IL1RAPL2: variants seen among roughly 807,000 people sequenced by gnomAD.
IL1RAPL2 encodes the protein X-linked interleukin-1 receptor accessory protein-like 2.
IL1RAPL2 carries 3 observed loss-of-function variants against 44.1 expected under a neutral mutation model. The observed-to-expected ratio is 0.07, with a 90% CI of 0.03 to 0.18. IL1RAPL2 has a LOEUF of 0.18. IL1RAPL2 is among the 10% of genes least tolerant of loss of function. IL1RAPL2 has a pLI of 1.00. For missense variants in IL1RAPL2, 391 were observed against 496.4 expected, an observed-to-expected ratio of 0.79 and a Z score of 2.02; for synonymous variants, 181 against 178.8, an observed-to-expected ratio of 1.01 and a Z score of -0.10.
At chrX:105,302,329 T>C (rs750076402) in intron 5 of IL1RAPL2, among the ~76,000 whole-genome samples, 1 of 112,211 alleles carries the variant, frequency 8.9e-6, no homozygotes, top group South Asian at 3.7e-4. Context: ...TTTCAGTTTG[T>C]TGATTATTTC....
At chrX:104,898,551 C>T (rs1923720102) in intron 2 of IL1RAPL2, among the ~76,000 whole-genome samples, 1 of 112,652 alleles carries the variant, frequency 8.9e-6, no homozygotes, top group Admixed American at 9.4e-5. Flanking sequence ...CATGGCTGTC[C>T]TGCCTAACAT....
intron 5 of IL1RAPL2, among the ~76,000 whole-genome samples, chrX:105,322,493 G>C (rs1410248954): frequency 9.0e-6 from 1 of 111,674 alleles, no homozygotes; most frequent in African/African-American, 3.3e-5. Flanking sequence ...ATTCTTGGCA[G>C]AATTGAGTCC....
chrX:105,033,484 G>C (rs2031554821), intron 2 of IL1RAPL2, among the ~76,000 whole-genome samples: 1 of 111,212 alleles, frequency 9.0e-6, no homozygotes, highest in African/African-American at 3.3e-5. Flanking sequence ...CACTTATGAA[G>C]CTTAGTTTGG....
At chrX:105,138,473 CAAAAAAAAA>C (rs371757842) in intron 2 of IL1RAPL2, among the ~76,000 whole-genome samples, 1 of 54,481 alleles carries the variant, frequency 1.8e-5, no homozygotes, top group Non-Finnish European at 3.4e-5. Flanking sequence ...ATATAATTAC[CAAAAAAAAA>C]AAAAAAAAAA....
intron 2 of IL1RAPL2, among the ~76,000 whole-genome samples, chrX:104,856,822 T>C (rs960811564): frequency 8.9e-6 from 1 of 112,520 alleles, no homozygotes; most frequent in African/African-American, 3.2e-5. Context: ...CTTTGATTCA[T>C]AGATAAAATT....
At chrX:104,819,284 A>G (rs923047999) in intron 2 of IL1RAPL2, among the ~76,000 whole-genome samples, 2 of 112,205 alleles carry the variant, frequency 1.8e-5, no homozygotes, top group African/African-American at 3.2e-5. Flanking sequence ...TGACTTTTTC[A>G]CTTTATGATG....
chrX:105,578,030 C>G (rs2037063198), intron 6 of IL1RAPL2, among the ~76,000 whole-genome samples: 1 of 74,577 alleles, frequency 1.3e-5, no homozygotes, highest in African/African-American at 5.2e-5. Flanking sequence ...ATCCCTCTCC[C>G]CTCCCCCCAC....
intron 2 of IL1RAPL2, among the ~76,000 whole-genome samples, chrX:104,813,530 A>G (rs1341114893): frequency 9.0e-6 from 1 of 111,554 alleles, no homozygotes; most frequent in Non-Finnish European, 1.9e-5. Flanking sequence ...TCATTTGATC[A>G]TTCATTCCAA....
chrX:105,246,555 T>C (rs1463478300), intron 4 of IL1RAPL2, among the ~76,000 whole-genome samples: 2 of 111,575 alleles, frequency 1.8e-5, no homozygotes, highest in Non-Finnish European at 3.8e-5. Flanking sequence ...AGGTAAGGAA[T>C]AGGAGTTGGC....
chrX:105,179,268 C>A (rs949865152), intron 2 of IL1RAPL2, among the ~76,000 whole-genome samples: 1 of 111,953 alleles, frequency 8.9e-6, no homozygotes, highest in African/African-American at 3.2e-5. Context: ...AATATAAGTT[C>A]CTGTTGGCTT....
Position 104,726,311 on chromosome X carries a change from G to A in IL1RAPL2, c.82+67316G>A, listed in dbSNP as rs865993586. On this transcript the variant is annotated intron_variant, in intron 2 of 10. Transcript: ENST00000372582. ...GTAGTATAGATTGAAGTCAGGTAGCGTGATGCCTCTAGCTTTGTTCTTTTT... is the reference window on the plus strand; with the variant it reads ...GTAGTATAGATTGAAGTCAGGTAGCATGATGCCTCTAGCTTTGTTCTTTTT... Among the ~76,000 whole-genome samples the A allele has an allele frequency of 8.1e-5, 9 of 111,484 alleles. No homozygotes were observed. The East Asian group carries it at 8.5e-4, about 11-fold the overall frequency.
intron 5 of IL1RAPL2, among the ~76,000 whole-genome samples, chrX:105,449,669 C>T (rs1335453128): frequency 2.7e-5 from 3 of 110,320 alleles, no homozygotes; most frequent in African/African-American, 9.9e-5. Context: ...ATCGCTTGAA[C>T]CAGAGAGTCA....
At chrX:105,024,775 G>A (rs897392154) in intron 2 of IL1RAPL2, among the ~76,000 whole-genome samples, 9 of 111,499 alleles carry the variant, frequency 8.1e-5, no homozygotes, top group African/African-American at 2.9e-4. Flanking sequence ...AAAGAAGATA[G>A]CATGTTTATG....
chrX:105,474,596 G>A (rs1293219072), intron 5 of IL1RAPL2, among the ~76,000 whole-genome samples: 1 of 111,246 alleles, frequency 9.0e-6, no homozygotes, highest in African/African-American at 3.3e-5. Flanking sequence ...CTAGTTGGTA[G>A]AGTACCTTTC....
intron 6 of IL1RAPL2, among the ~76,000 whole-genome samples, chrX:105,680,246 G>A (rs931352044): frequency 3.6e-5 from 4 of 111,664 alleles, no homozygotes; most frequent in Non-Finnish European, 7.5e-5. Flanking sequence ...TGGTCCGCCC[G>A]CCTCGTCCTC....
At chrX:104,948,556 G>C (rs1376722661) in intron 2 of IL1RAPL2, among the ~76,000 whole-genome samples, 1 of 107,652 alleles carries the variant, frequency 9.3e-6, no homozygotes, top group Non-Finnish European at 1.9e-5. Context: ...CTGTGGGTTT[G>C]TCATAGATAG....
chrX:104,833,492 G>A (rs1042642300), intron 2 of IL1RAPL2, among the ~76,000 whole-genome samples: 2 of 111,820 alleles, frequency 1.8e-5, no homozygotes, highest in Non-Finnish European at 3.8e-5. Flanking sequence ...AAGTCATTTG[G>A]TTATTTTTTT....
chrX:105,531,030 G>C (rs2036631497), intron 6 of IL1RAPL2, among the ~76,000 whole-genome samples: 1 of 111,783 alleles, frequency 8.9e-6, no homozygotes, highest in African/African-American at 3.2e-5. Context: ...GAACAGTGCT[G>C]CAACAAGCAC....
intron 5 of IL1RAPL2, among the ~76,000 whole-genome samples, chrX:105,480,145 C>G (rs963617758): frequency 8.9e-6 from 1 of 112,202 alleles, no homozygotes; most frequent in Non-Finnish European, 1.9e-5. Flanking sequence ...GTTGTCATAA[C>G]AGTAGGTAAC....
Sources: allele counts gnomAD v4.1 joint callset (sites outside exome capture counted in the v4.1 genomes callset), GRCh38; gene constraint gnomAD v4.1.1; transcripts MANE v1.5; gene names NCBI Gene and HGNC (gene_info 2026-07-23, HGNC 2026-07-21).